Variants in CNTN1 observed in about 807,000 individuals in gnomAD.
The protein encoded by CNTN1 is contactin 1, also known as contactin-1.
Under a neutral mutation model 126.4 loss-of-function variants are expected in CNTN1, and 38 were observed. The observed-to-expected ratio is 0.30, with a 90% CI of 0.23 to 0.39. The LOEUF (loss-of-function observed/expected upper bound fraction) is 0.39, where lower values mean the gene tolerates loss of function less well. CNTN1 is among the 10% of genes least tolerant of loss of function. The pLI is 1.00. For missense variants in CNTN1, 1,009 were observed against 1,248.4 expected (o/e 0.81, Z 2.89); for synonymous variants, 413 against 422.6 (o/e 0.98, Z 0.28).
intron 1 of CNTN1, among the ~76,000 whole-genome samples, chr12:40,893,588 A>G (rs1214153163): frequency 6.6e-6 from 1 of 152,156 alleles, no homozygotes; most frequent in East Asian, 1.9e-4. Context: ...ATCTACCAAG[A>G]GAACAAACAG....
intron 1 of CNTN1, among the ~76,000 whole-genome samples, chr12:40,865,049 G>A (rs778412232): frequency 5.9e-5 from 9 of 152,082 alleles, no homozygotes; most frequent in Admixed American, 2.0e-4. Flanking sequence ...TGAAGTAATA[G>A]TTTATTGTGG....
chr12:40,899,755 C>T (rs1944541968), intron 1 of CNTN1, among the ~76,000 whole-genome samples: 1 of 152,106 alleles, frequency 6.6e-6, no homozygotes. Flanking sequence ...TAAGACTATT[C>T]TTCAAGAGTT....
chr12:41,006,946 G>T (rs961842689), intron 17 of CNTN1, among the ~76,000 whole-genome samples: 1 of 151,446 alleles, frequency 6.6e-6, no homozygotes, highest in South Asian at 2.1e-4. Flanking sequence ...ATCCAATAAG[G>T]TACAGTGCTT....
intron 1 of CNTN1, among the ~76,000 whole-genome samples, chr12:40,771,615 T>A (rs997981216): frequency 2.0e-5 from 3 of 151,972 alleles, no homozygotes; most frequent in African/African-American, 7.2e-5. Context: ...GGGAAAGATA[T>A]GTATTGCTGC....
intron 1 of CNTN1, among the ~76,000 whole-genome samples, chr12:40,708,403 A>G (rs1941824086): frequency 6.6e-6 from 1 of 152,262 alleles, no homozygotes; most frequent in African/African-American, 2.4e-5. Context: ...TTAATTAAAA[A>G]ATACTTTGTT....
intron 17 of CNTN1, among the ~76,000 whole-genome samples, chr12:40,997,461 T>C (rs533575362): frequency 8.5e-5 from 13 of 152,370 alleles, no homozygotes; most frequent in Non-Finnish European, 1.8e-4. Context: ...TCTTTCTTTT[T>C]TCTTTCTCTT....
chr12:40,790,812 T>A (rs1304805514), intron 1 of CNTN1, among the ~76,000 whole-genome samples: 1 of 152,146 alleles, frequency 6.6e-6, no homozygotes, highest in Non-Finnish European at 1.5e-5. Flanking sequence ...CTTTAAAAAT[T>A]CTTTCCATGT....
At chr12:40,829,815 C>A (rs895463817) in intron 1 of CNTN1, among the ~76,000 whole-genome samples, 2 of 152,132 alleles carry the variant, frequency 1.3e-5, no homozygotes, top group Non-Finnish European at 2.9e-5. Flanking sequence ...GCTGAAATGC[C>A]TCCTGGCTGA....
chr12:40,823,423 A>T (rs923855867), intron 1 of CNTN1, among the ~76,000 whole-genome samples: 1 of 152,112 alleles, frequency 6.6e-6, no homozygotes, highest in Non-Finnish European at 1.5e-5. Flanking sequence ...TTTTAGCCTG[A>T]TTTTTCATTG....
intron 1 of CNTN1, among the ~76,000 whole-genome samples, chr12:40,773,625 C>A (rs1385995841): frequency 8.2e-6 from 1 of 121,362 alleles, no homozygotes; most frequent in African/African-American, 3.2e-5. Context: ...GACCTCTGAC[C>A]AGAAACTGTA....
intron 1 of CNTN1, among the ~76,000 whole-genome samples, chr12:40,891,765 C>T (rs1168799793): frequency 6.6e-6 from 1 of 152,032 alleles, no homozygotes; most frequent in Admixed American, 6.5e-5. Context: ...TTCACCAGTA[C>T]CACAGTATCT....
intron 20 of CNTN1, among the ~76,000 whole-genome samples, chr12:41,023,087 G>A (rs1284624466): frequency 3.9e-5 from 6 of 152,102 alleles, no homozygotes; most frequent in Admixed American, 3.9e-4. Context: ...AATATGATGG[G>A]AGAAGCCAAT....
chr12:40,889,940 C>G (rs1255043177), intron 1 of CNTN1, among the ~76,000 whole-genome samples: 1 of 152,154 alleles, frequency 6.6e-6, no homozygotes, highest in Non-Finnish European at 1.5e-5. Flanking sequence ...TGTGAACCAC[C>G]GGTATTTGAA....
chr12:40,715,403 TGCATAGGATAGCCGCATTA>T (rs1942024480), intron 1 of CNTN1, among the ~76,000 whole-genome samples: 1 of 152,152 alleles, frequency 6.6e-6, no homozygotes, highest in Admixed American at 6.5e-5. Context: ...GATTCGTTTA[TGCATAGGATAGCCGCATTA>T]GCAGGATTTT....
intron 1 of CNTN1, among the ~76,000 whole-genome samples, chr12:40,858,988 T>TG (rs1312785934): frequency 4.0e-5 from 6 of 151,410 alleles, no homozygotes; most frequent in African/African-American, 1.5e-4. Flanking sequence ...AGGGTGGGGT[T>TG]GGGGGAGGGA....
At chr12:41,043,450 T>TCTTAC (rs1289992316) in intron 23 of CNTN1, among the ~76,000 whole-genome samples, 1 of 152,188 alleles carries the variant, frequency 6.6e-6, no homozygotes, top group Non-Finnish European at 1.5e-5. Flanking sequence ...CACAATGAGA[T>TCTTAC]ACCATCTTAC....
intron 1 of CNTN1, among the ~76,000 whole-genome samples, chr12:40,854,631 A>G (rs1942832841): frequency 1.3e-5 from 2 of 152,170 alleles, no homozygotes; most frequent in Non-Finnish European, 2.9e-5. Flanking sequence ...CAGATCAGCA[A>G]GTGAAAGCTT....
chr12:40,736,018 T>G (rs1264231709), intron 1 of CNTN1, among the ~76,000 whole-genome samples: 2 of 152,084 alleles, frequency 1.3e-5, no homozygotes, highest in African/African-American at 4.8e-5. Flanking sequence ...GTGATTACCC[T>G]GCAGCTGTCT....
In CNTN1 at chr12:41,025,864, C is replaced by T. The variant is rs144611268; in HGVS notation, c.2710+528C>T. On this transcript the variant is annotated intron_variant, in intron 21 of 23. Coordinates refer to ENST00000551295, the MANE Select transcript of CNTN1 (RefSeq NM_001843.4). Reference sequence around the variant, plus strand: ...TCACGTTCTGGTCATTCTAATCTCTCTGGGTTCATTTTGATATCTCTGTTC... The same window carrying T: ...TCACGTTCTGGTCATTCTAATCTCTTTGGGTTCATTTTGATATCTCTGTTC... Among the ~76,000 whole-genome samples the T allele has an allele frequency of 6.5e-4, 99 of 152,286 alleles. 2 individuals carry two copies. The highest frequency in any genetic ancestry group is 2.2e-3 in the African/African-American group (92 of 41,554).
Sources: gnomAD v4.1 joint callset for allele counts (sites outside exome capture counted in the v4.1 genomes callset) on GRCh38, gnomAD v4.1.1 for gene constraint, MANE v1.5 for transcripts, NCBI Gene and HGNC (gene_info 2026-07-23, HGNC 2026-07-21) for gene names.